The following NBAS variants were observed in gnomAD, a reference collection of about 807,000 sequenced individuals.
The protein encoded by NBAS is NAG/BC035112 fusion.
Under a neutral mutation model 302.5 loss-of-function variants are expected in NBAS, and 219 were observed. That is an observed-to-expected ratio of 0.72 (90% CI 0.65 to 0.81). The LOEUF (loss-of-function observed/expected upper bound fraction) is 0.81, where lower values mean the gene tolerates loss of function less well. Among genes scored for constraint, NBAS ranks in the 30% least tolerant of loss-of-function variants. The pLI is 0.00. For missense variants in NBAS, 2,932 were observed against 2,841.6 expected (o/e 1.03, Z -0.72); for synonymous variants, 1,118 against 1,021.6 (o/e 1.09, Z -1.80).
chr2:15,389,234 G>C (rs1675468836), intron 28 of NBAS, among the ~76,000 whole-genome samples: 1 of 152,218 alleles, frequency 6.6e-6, no homozygotes, highest in African/African-American at 2.4e-5. Flanking sequence ...CTAGTCCACA[G>C]TGGAAAACCA....
At chr2:14,976,276 T>C in the NBAS span, among the ~76,000 whole-genome samples, 4 of 152,200 alleles carry the variant, frequency 2.6e-5, no homozygotes, top group Admixed American at 6.5e-5. Context: ...GATAAGTGTT[T>C]ATTGCTGACA....
At chr2:15,141,309 G>A in the NBAS span, among the ~76,000 whole-genome samples, 23 of 152,210 alleles carry the variant, frequency 1.5e-4, no homozygotes, top group African/African-American at 5.5e-4. Flanking sequence ...CAAATCTTAT[G>A]AGTTCAGTGA....
the NBAS span, among the ~76,000 whole-genome samples, chr2:14,825,266 A>G: frequency 6.6e-6 from 1 of 152,174 alleles, no homozygotes; most frequent in Non-Finnish European, 1.5e-5. Flanking sequence ...TCACTTGGTA[A>G]AGCTCTATTC....
the NBAS span, among the ~76,000 whole-genome samples, chr2:14,876,223 AG>A: frequency 7.2e-5 from 11 of 152,300 alleles, no homozygotes; most frequent in East Asian, 1.9e-3. Flanking sequence ...TTTACTTTTC[AG>A]GTTAAGAAAC....
At chr2:15,244,381 G>A (rs1172437302) in intron 44 of NBAS, among the ~76,000 whole-genome samples, 1 of 151,812 alleles carries the variant, frequency 6.6e-6, no homozygotes, top group South Asian at 2.1e-4. Flanking sequence ...AAGAAACTGG[G>A]GTCATGGAGA....
At chr2:15,374,771 T>G in intron 30 of NBAS, 51 bp from the exon 31 acceptor site, 1 of 1,425,984 alleles carries the variant, frequency 7.0e-7, no homozygotes, top group Non-Finnish European at 9.9e-7. Flanking sequence ...TGTTCACCTT[T>G]CTATACTCAA....
chr2:15,259,925 T>C (rs1280904433), intron 44 of NBAS, among the ~76,000 whole-genome samples: 2 of 146,546 alleles, frequency 1.4e-5, no homozygotes, highest in South Asian at 2.2e-4. Context: ...AGAAAATCTG[T>C]CTTTACTGCC....
the NBAS span, among the ~76,000 whole-genome samples, chr2:14,937,466 G>A: frequency 2.0e-5 from 3 of 152,200 alleles, no homozygotes; most frequent in Non-Finnish European, 2.9e-5. Context: ...AAGCTGTCCT[G>A]CAGTAGATGA....
At chr2:15,000,518 ATAG>A in the NBAS span, among the ~76,000 whole-genome samples, 2 of 152,212 alleles carry the variant, frequency 1.3e-5, no homozygotes, top group African/African-American at 4.8e-5. Context: ...GAGTCTAGTC[ATAG>A]ATGATTGCAG....
intron 26 of NBAS, chr2:15,397,880 T>C (rs972058157): frequency 5.6e-6 from 1 of 179,530 alleles, no homozygotes; most frequent in Admixed American, 6.3e-5. Flanking sequence ...TGTCCTGCTT[T>C]GGACAAAAAA....
At chr2:14,862,693 T>G in the NBAS span, among the ~76,000 whole-genome samples, 2 of 152,222 alleles carry the variant, frequency 1.3e-5, no homozygotes, top group East Asian at 3.8e-4. Flanking sequence ...AAAAGGAAAT[T>G]AATAAATACT....
At chr2:15,533,549 A>C (rs2148678891) in intron 9 of NBAS, among the ~76,000 whole-genome samples, 1 of 152,324 alleles carries the variant, frequency 6.6e-6, no homozygotes, top group South Asian at 2.1e-4. Context: ...CAGCAAAACT[A>C]AATATGAATG....
In NBAS at chr2:15,240,808, C is replaced by T. The variant is rs1667834188; in HGVS notation, c.5725-2122G>A. ...CTCTAAGCCATTAAAAAAATCAGAG[C>T]CCACCATTGACTGACAAGTATTAAT... On this transcript the variant is annotated intron_variant, in intron 44 of 51. Coordinates refer to ENST00000281513, the MANE Select transcript of NBAS (RefSeq NM_015909.4). Among the ~76,000 whole-genome samples the T allele has an allele frequency of 2.6e-5, 4 of 152,164 alleles. No homozygotes were observed. The South Asian group carries it at 8.3e-4, about 32-fold the overall frequency.
At chr2:15,537,350 T>G (rs1470045995) in intron 7 of NBAS, among the ~76,000 whole-genome samples, 1 of 152,222 alleles carries the variant, frequency 6.6e-6, no homozygotes, top group Non-Finnish European at 1.5e-5. Flanking sequence ...AAACAGACCT[T>G]ATTAAAATCC....
chr2:14,779,894 G>A, the NBAS span, among the ~76,000 whole-genome samples: 5 of 152,090 alleles, frequency 3.3e-5, no homozygotes, highest in South Asian at 4.1e-4. Context: ...CTATAGTATC[G>A]TGAAGTTTTC....
the NBAS span, among the ~76,000 whole-genome samples, chr2:15,004,596 G>T: frequency 2.0e-5 from 3 of 151,730 alleles, no homozygotes; most frequent in African/African-American, 7.3e-5. Context: ...CAACCACCAG[G>T]CTCATGTCAT....
At chr2:15,105,859 C>A in the NBAS span, among the ~76,000 whole-genome samples, 2 of 152,088 alleles carry the variant, frequency 1.3e-5, no homozygotes, top group African/African-American at 4.8e-5. Flanking sequence ...AGATCATGTC[C>A]AAGGCACGCA....
At chr2:15,468,074 G>A (rs1442654000) in intron 17 of NBAS, among the ~76,000 whole-genome samples, 1 of 152,172 alleles carries the variant, frequency 6.6e-6, no homozygotes, top group Non-Finnish European at 1.5e-5. Context: ...TTCACTCAAT[G>A]TAAAGCAGCC....
chr2:15,088,957 C>T, the NBAS span, among the ~76,000 whole-genome samples: 1 of 152,254 alleles, frequency 6.6e-6, no homozygotes, highest in Non-Finnish European at 1.5e-5. Context: ...CAGTAAGCAC[C>T]AGGCACAAAG....
Sources: gnomAD v4.1 joint callset for allele counts (sites outside exome capture counted in the v4.1 genomes callset) on GRCh38, gnomAD v4.1.1 for gene constraint, MANE v1.5 for transcripts, NCBI Gene and HGNC (gene_info 2026-07-23, HGNC 2026-07-21) for gene names.